Variants in RASSF8 observed in about 807,000 individuals in gnomAD.
RASSF8 encodes the protein Ras association domain family member 8.
RASSF8 carries 22 observed loss-of-function variants against 48.5 expected under a neutral mutation model. The ratio of observed to expected loss-of-function variants is 0.45; its 90% CI spans 0.32 to 0.65. RASSF8 has a LOEUF of 0.65. Ranked by LOEUF, RASSF8 falls within the 30% of genes least tolerant of loss-of-function variation. RASSF8 has a pLI of 0.03. For missense variants in RASSF8, 418 were observed against 489.2 expected, an observed-to-expected ratio of 0.85 and a Z score of 1.37; for synonymous variants, 127 against 171.5, an observed-to-expected ratio of 0.74 and a Z score of 2.03.
intron 1 of RASSF8, chr12:25,959,828 CGTT>C (rs1421978931): frequency 6.6e-6 from 1 of 152,120 alleles, no homozygotes; most frequent in Non-Finnish European, 1.5e-5. Context: ...TCCAGTGTTG[CGTT>C]GTTATTTTAG....
chr12:26,000,760 C>T (rs922197965), intron 2 of RASSF8, among the ~76,000 whole-genome samples: 3 of 151,934 alleles, frequency 2.0e-5, no homozygotes, highest in Admixed American at 6.6e-5. Context: ...TGTATCTAAA[C>T]GTATCTAAAC....
chr12:26,071,999 C>T lies in RASSF8; in HGVS notation c.*3181C>T. 1 of 985,370 alleles carries T rather than the reference C, an allele frequency of 1.0e-6. No individual in the cohort carries two copies. The highest frequency in any genetic ancestry group is 1.2e-6 in the Non-Finnish European group (1 of 829,886). 61.0% of individuals were successfully genotyped at this position (985,370 alleles called of 1,614,324 possible). A position where few individuals can be genotyped will look rare whatever the true frequency, so the allele number is the denominator to read the frequency against. ...GTTCATTTGAAGCCATTTCTGTAAA[C>T]ATCTTCCAAGATAGAACTGTAATGG... On this transcript the variant is annotated 3_prime_UTR_variant, in exon 6 of 6. Coordinates refer to ENST00000689635, the MANE Select transcript of RASSF8 (RefSeq NM_001394098.1).
intron 2 of RASSF8, among the ~76,000 whole-genome samples, chr12:26,048,763 G>GTTTTGT (rs1555168435): frequency 6.6e-6 from 1 of 150,990 alleles, no homozygotes; most frequent in South Asian, 2.1e-4. Flanking sequence ...GTTTTGTTTT[G>GTTTTGT]TTTTTTTCAG....
At chr12:25,996,383 A>G (rs1439166058) in intron 2 of RASSF8, among the ~76,000 whole-genome samples, 1 of 152,190 alleles carries the variant, frequency 6.6e-6, no homozygotes, top group African/African-American at 2.4e-5. Flanking sequence ...TGTGCTATAA[A>G]GCTTTCTTTT....
chr12:26,042,225 C>A (rs1943280229), intron 2 of RASSF8, among the ~76,000 whole-genome samples: 1 of 152,194 alleles, frequency 6.6e-6, no homozygotes, highest in African/African-American at 2.4e-5. Context: ...GTTGTGTTCA[C>A]TCTGTATATT....
At chr12:26,007,878 G>C (rs7953171) in intron 2 of RASSF8, among the ~76,000 whole-genome samples, 12,424 of 152,278 alleles carry the variant, frequency 0.082, 855 homozygotes, top group East Asian at 0.27. Flanking sequence ...CCTCACATCT[G>C]TGTAAGTAGA....
At chr12:26,022,066 G>T (rs1385157924) in intron 2 of RASSF8, among the ~76,000 whole-genome samples, 1 of 152,148 alleles carries the variant, frequency 6.6e-6, no homozygotes, top group African/African-American at 2.4e-5. Flanking sequence ...ACTGGCCAAA[G>T]AACCCCACCC....
intron 1 of RASSF8, among the ~76,000 whole-genome samples, chr12:25,987,689 A>G (rs1592236844): frequency 6.6e-6 from 1 of 152,310 alleles, no homozygotes; most frequent in East Asian, 1.9e-4. Flanking sequence ...ACATACTTGA[A>G]CATGCCAACA....
chr12:26,069,691 A>T lies in RASSF8; in HGVS notation c.*873A>T. The T allele has an allele frequency of 5.1e-6, 5 of 985,430 alleles. No homozygotes were observed. The highest frequency in any genetic ancestry group is 4.8e-6 in the Non-Finnish European group (4 of 829,924). The allele number at this position is 985,430 out of a possible 1,614,324, so 61.0% of individuals were successfully genotyped here. A position where few individuals can be genotyped will look rare whatever the true frequency, so the allele number is the denominator to read the frequency against. On this transcript the variant is annotated 3_prime_UTR_variant, in exon 6 of 6. Coordinates refer to ENST00000689635, the MANE Select transcript of RASSF8 (RefSeq NM_001394098.1). ...AATTAATCTAACATGGAAGTTATAG[A>T]TACCTGAAAGCTGGGTTGGTCTACT...
At chr12:26,073,557 C>T (rs1008508238), downstream of RASSF8, among the ~76,000 whole-genome samples, 36 of 151,876 alleles carry the variant, frequency 2.4e-4, 1 homozygote, top group South Asian at 2.1e-4. Context: ...GCCAACGTGG[C>T]GAAACCCCGT....
At chr12:26,019,589 G>C (rs921746058) in intron 2 of RASSF8, among the ~76,000 whole-genome samples, 2 of 151,070 alleles carry the variant, frequency 1.3e-5, no homozygotes, top group Non-Finnish European at 2.9e-5. Context: ...GTGTGTGTGT[G>C]TGTGTGTGTG....
intron 1 of RASSF8, among the ~76,000 whole-genome samples, chr12:25,981,057 C>T (rs1010594121): frequency 1.3e-5 from 2 of 152,092 alleles, no homozygotes; most frequent in Admixed American, 6.5e-5. Flanking sequence ...TGATCAGGGT[C>T]GGATGCGTCC....
chr12:26,060,630 C>T (rs1327848326), intron 3 of RASSF8, among the ~76,000 whole-genome samples: 9 of 152,094 alleles, frequency 5.9e-5, no homozygotes, highest in Non-Finnish European at 1.0e-4. Context: ...CAGAGATCAA[C>T]GCTTACTGTA....
intron 1 of RASSF8, among the ~76,000 whole-genome samples, chr12:25,969,292 T>C (rs1167080570): frequency 6.6e-6 from 1 of 152,210 alleles, no homozygotes; most frequent in African/African-American, 2.4e-5. Context: ...GTCTGCCTGC[T>C]GGCTGTAGGA....
chr12:26,004,820 C>T (rs376858426), intron 2 of RASSF8, among the ~76,000 whole-genome samples: 108 of 151,950 alleles, frequency 7.1e-4, no homozygotes, highest in South Asian at 1.9e-3. Flanking sequence ...AATTATTAGT[C>T]ATTGTACATT....
intron 2 of RASSF8, among the ~76,000 whole-genome samples, chr12:26,008,246 G>A (rs1188647644): frequency 1.3e-5 from 2 of 151,934 alleles, no homozygotes; most frequent in Non-Finnish European, 2.9e-5. Context: ...ATTCCAGCCT[G>A]GGCAACACAG....
intron 1 of RASSF8, among the ~76,000 whole-genome samples, chr12:25,972,595 T>C (rs1432173802): frequency 1.3e-5 from 2 of 152,198 alleles, no homozygotes; most frequent in Non-Finnish European, 2.9e-5. Flanking sequence ...GGTAAATCCT[T>C]TTCTTTTTAT....
chr12:26,077,756 GT>G (rs1301452884), downstream of RASSF8, among the ~76,000 whole-genome samples: 1 of 152,102 alleles, frequency 6.6e-6, no homozygotes, highest in Non-Finnish European at 1.5e-5. Context: ...TGGTTGGCTG[GT>G]TTTTTTGGAA....
chr12:26,058,506 T>C lies in RASSF8; in HGVS notation c.103+3060T>C, dbSNP rs1420830620. ...GGTTTAAGTGCGCGTCTTTGCCTCA[T>C]GGGGGCACTACACACATGCGCACGC... On this transcript the variant is annotated intron_variant, in intron 3 of 5. Transcript: ENST00000689635. Among the ~76,000 whole-genome samples the C allele has an allele frequency of 1.0e-4, 15 of 149,558 alleles. 1 individual carries two copies. In the Admixed American group the frequency reaches 1.0e-3, roughly 10 times the overall value.
Sources: allele counts gnomAD v4.1 joint callset (sites outside exome capture counted in the v4.1 genomes callset), GRCh38; gene constraint gnomAD v4.1.1; transcripts MANE v1.5; gene names NCBI Gene and HGNC (gene_info 2026-07-23, HGNC 2026-07-21).